Variants in FOCAD observed in about 807,000 individuals in gnomAD.
FOCAD encodes the protein focadhesin.
Under a neutral mutation model 225.6 loss-of-function variants are expected in FOCAD, and 198 were observed. That is an observed-to-expected ratio of 0.88 (90% CI 0.78 to 0.99). FOCAD has a LOEUF of 0.99. Ranked by LOEUF, FOCAD falls within the 50% of genes least tolerant of loss-of-function variation. The pLI is 0.00. For synonymous variants in FOCAD, 897 were observed against 755.0 expected, an observed-to-expected ratio of 1.19 and a Z score of -3.08; for missense variants, 2,713 against 2,123.6, an observed-to-expected ratio of 1.28 and a Z score of -5.46.
At chr9:20,988,627 CACTT>C (rs1480192365) in intron 41 of FOCAD, among the ~76,000 whole-genome samples, 198 bp downstream of exon 41, 2 of 151,976 alleles carry the variant, frequency 1.3e-5, no homozygotes, top group East Asian at 1.9e-4. Flanking sequence ...ATTTTAGACA[CACTT>C]AATGATTCTC....
chr9:20,881,155 T>G (rs1168371838), intron 19 of FOCAD, among the ~76,000 whole-genome samples: 1 of 152,208 alleles, frequency 6.6e-6, no homozygotes, highest in Non-Finnish European at 1.5e-5. Flanking sequence ...CTGAAAACAC[T>G]TAAATGATAA....
At chr9:20,672,133 G>A (rs1822082048) in intron 2 of FOCAD, among the ~76,000 whole-genome samples, 1 of 152,142 alleles carries the variant, frequency 6.6e-6, no homozygotes, top group South Asian at 2.1e-4. Flanking sequence ...AAATGAATCA[G>A]TAAAACTCCT....
intron 24 of FOCAD, among the ~76,000 whole-genome samples, 173 bp from the exon 25 acceptor site, chr9:20,923,487 C>G (rs897795722): frequency 3.3e-5 from 5 of 152,144 alleles, no homozygotes; most frequent in African/African-American, 1.2e-4. Flanking sequence ...GCTCTAGAGT[C>G]AGAAGGAAGG....
At chr9:20,909,420 C>T (rs926133287) in intron 22 of FOCAD, among the ~76,000 whole-genome samples, 2 of 151,964 alleles carry the variant, frequency 1.3e-5, no homozygotes, top group Non-Finnish European at 1.5e-5. Context: ...TTCCCTAACA[C>T]GGTTATTAAT....
chr9:20,944,703 G>C lies in FOCAD; in HGVS notation c.3484G>C (p.Val1162Leu). The C allele has an allele frequency of 6.2e-7, 1 of 1,614,092 alleles. No homozygotes were observed. The highest frequency in any genetic ancestry group is 8.5e-7 in the Non-Finnish European group (1 of 1,179,980). Residue 1162 changes from valine (V) to leucine (L), a missense_variant, in exon 29 of 44, where the codon GTA becomes CTA. By Grantham distance (32) the Val-to-Leu change is conservative. Transcript: ENST00000338382. ...CAGCCAAATGCAGTCCCGCGTTCAC[G>C]TAGCAGCATTGCTCCGGAAGCTGTC... Reference protein sequence around the residue: ...HSSQMQSRVHVAALLRKLSAH... With the variant: ...HSSQMQSRVHLAALLRKLSAH...
At chr9:20,757,630 G>A (rs1329963159) in intron 5 of FOCAD, among the ~76,000 whole-genome samples, 1 of 152,160 alleles carries the variant, frequency 6.6e-6, no homozygotes, top group African/African-American at 2.4e-5. Context: ...GAAGTACCTG[G>A]AAACAGAGAG....
chr9:20,961,178 C>A (rs966877882), intron 35 of FOCAD, among the ~76,000 whole-genome samples: 48 of 151,898 alleles, frequency 3.2e-4, no homozygotes, highest in African/African-American at 1.1e-3. Context: ...CCGCTCCCCT[C>A]CTCTCCGCTC....
In FOCAD at chr9:20,791,282, G is replaced by C. The variant is rs1044092717; in HGVS notation, c.1455+1674G>C. On this transcript the variant is annotated intron_variant, in intron 11 of 43. Transcript: ENST00000338382. ...ACACACAGGAAATTTGATCCAGCAT[G>C]ATGCTTTAGATTGTAAGTAACAGAA... Among the ~76,000 whole-genome samples the C allele has an allele frequency of 6.7e-5, 10 of 149,678 alleles. No individual in the cohort carries two copies. In the Admixed American group the frequency reaches 6.7e-4, roughly 10 times the overall value.
intron 16 of FOCAD, among the ~76,000 whole-genome samples, chr9:20,865,444 A>T (rs540761153): frequency 9.9e-5 from 15 of 152,158 alleles, no homozygotes; most frequent in African/African-American, 3.6e-4. Context: ...TTTATTACAC[A>T]TTTGTCATCT....
At chr9:20,722,275 C>T (rs771406001) in intron 4 of FOCAD, among the ~76,000 whole-genome samples, 3 of 151,978 alleles carry the variant, frequency 2.0e-5, no homozygotes, top group Non-Finnish European at 4.4e-5. Context: ...TAGATCCAGC[C>T]TTCTGTTCAA....
intron 9 of FOCAD, among the ~76,000 whole-genome samples, chr9:20,781,169 G>A (rs1819322223): frequency 6.6e-6 from 1 of 152,126 alleles, no homozygotes; most frequent in Non-Finnish European, 1.5e-5. Context: ...GTATGTATCT[G>A]GTGTGTAAGT....
chr9:20,778,790 A>G (rs1258423944), intron 9 of FOCAD, 22 bp downstream of exon 9: 1 of 1,383,630 alleles, frequency 7.2e-7, no homozygotes, highest in Non-Finnish European at 1.0e-6. Context: ...TACAGTCACT[A>G]GAGTAAAATG....
intron 28 of FOCAD, 104 bp downstream of exon 28, chr9:20,933,207 A>G: frequency 1.3e-6 from 1 of 791,438 alleles, no homozygotes. Context: ...TTTATTTTTT[A>G]TTTCCATAGG....
intron 7 of FOCAD, among the ~76,000 whole-genome samples, chr9:20,769,219 C>T (rs1275444099): frequency 6.6e-6 from 1 of 152,074 alleles, no homozygotes; most frequent in Non-Finnish European, 1.5e-5. Flanking sequence ...TAATTTTTCT[C>T]TCTGTGTATA....
chr9:20,975,435 C>G (rs1474477625), intron 35 of FOCAD, among the ~76,000 whole-genome samples: 3 of 152,142 alleles, frequency 2.0e-5, no homozygotes, highest in African/African-American at 7.2e-5. Flanking sequence ...GTCACCATGG[C>G]ACAGGCTGGG....
intron 11 of FOCAD, among the ~76,000 whole-genome samples, chr9:20,795,048 A>G (rs566093627): frequency 6.6e-6 from 1 of 152,360 alleles, no homozygotes; most frequent in Non-Finnish European, 1.5e-5. Flanking sequence ...TATGTAAAAT[A>G]TAAAATAGGA....
intron 28 of FOCAD, among the ~76,000 whole-genome samples, chr9:20,944,102 C>T (rs145725040): frequency 0.02 from 2,987 of 152,314 alleles, 42 homozygotes; most frequent in Middle Eastern, 0.037. Flanking sequence ...GAAAGAAATT[C>T]CACTTGTTGA....
intron 7 of FOCAD, among the ~76,000 whole-genome samples, chr9:20,768,414 G>C: frequency 6.6e-6 from 1 of 151,978 alleles, no homozygotes; most frequent in Non-Finnish European, 1.5e-5. Context: ...AAATTACCTT[G>C]GGCAGTATGG....
chr9:20,892,732 G>C (rs367741392), intron 21 of FOCAD, among the ~76,000 whole-genome samples: 3 of 152,266 alleles, frequency 2.0e-5, no homozygotes, highest in African/African-American at 7.2e-5. Flanking sequence ...TGATAATGTG[G>C]TATCAATGTT....
Sources: allele counts gnomAD v4.1 joint callset (sites outside exome capture counted in the v4.1 genomes callset), GRCh38; gene constraint gnomAD v4.1.1; transcripts MANE v1.5; gene names NCBI Gene and HGNC (gene_info 2026-07-23, HGNC 2026-07-21).